Variants in RBMS3 observed in about 807,000 individuals in gnomAD.
RBMS3 encodes the protein RNA binding motif single stranded interacting protein 3.
In RBMS3, 27 loss-of-function variants were observed where a neutral mutation model predicts 66.8. That is an observed-to-expected ratio of 0.40 (90% CI 0.30 to 0.56). The LOEUF is 0.56. Among genes scored for constraint, RBMS3 ranks in the 20% least tolerant of loss-of-function variants. The pLI, the probability that RBMS3 is intolerant of heterozygous loss-of-function variation, is 0.40. For synonymous variants in RBMS3, 188 were observed against 183.0 expected, an observed-to-expected ratio of 1.03 and a Z score of -0.22; for missense variants, 513 against 549.5, an observed-to-expected ratio of 0.93 and a Z score of 0.66.
chr3:29,600,752 A>AT (rs774316861), intron 4 of RBMS3, among the ~76,000 whole-genome samples: 7 of 152,074 alleles, frequency 4.6e-5, no homozygotes, highest in African/African-American at 1.7e-4. Flanking sequence ...CTTAAATAGC[A>AT]TTTTTTGAAA....
chr3:29,852,945 G>A (rs1333056225), intron 6 of RBMS3, among the ~76,000 whole-genome samples: 5 of 152,178 alleles, frequency 3.3e-5, no homozygotes, highest in Admixed American at 6.5e-5. Context: ...TAACAAAAAT[G>A]TGGTACAGAT....
chr3:29,613,968 G>A (rs1041585326), intron 4 of RBMS3, among the ~76,000 whole-genome samples: 6 of 152,022 alleles, frequency 3.9e-5, no homozygotes, highest in African/African-American at 9.7e-5. Flanking sequence ...CAGCAATCCC[G>A]CTGCTGAGTA....
intron 10 of RBMS3, among the ~76,000 whole-genome samples, chr3:29,902,578 C>CT (rs1379273963): frequency 1.3e-5 from 2 of 151,828 alleles, no homozygotes; most frequent in Non-Finnish European, 2.9e-5. Context: ...TGAGAATCTC[C>CT]TTTTTTCAGT....
intron 4 of RBMS3, among the ~76,000 whole-genome samples, chr3:29,592,601 G>T (rs1175411364): frequency 1.3e-5 from 2 of 152,136 alleles, no homozygotes; most frequent in African/African-American, 4.8e-5. Context: ...ACAGTGTGGT[G>T]ATTCCTCAAG....
chr3:29,813,041 T>C (rs1034219491), intron 6 of RBMS3, among the ~76,000 whole-genome samples: 2 of 152,108 alleles, frequency 1.3e-5, no homozygotes. Flanking sequence ...CATAAATATA[T>C]GCATTTTAAT....
Position 29,684,000 on chromosome 3 carries a change from A to G in RBMS3, c.400-55720A>G, listed in dbSNP as rs549571520. Reference sequence around the variant, plus strand: ...AGAATAGAATTGCTTGGTCCAGGAAAGGTGTGACTAGTATAATAAACAAAA... The same window carrying G: ...AGAATAGAATTGCTTGGTCCAGGAAGGGTGTGACTAGTATAATAAACAAAA... On this transcript the variant is annotated intron_variant, in intron 4 of 14. Coordinates refer to ENST00000383767, the MANE Select transcript of RBMS3 (RefSeq NM_001003793.3). Among the ~76,000 whole-genome samples the G allele has an allele frequency of 8.5e-5, 13 of 152,344 alleles. No individual in the cohort carries two copies. The South Asian group carries it at 2.5e-3, about 29-fold the overall frequency.
intron 6 of RBMS3, among the ~76,000 whole-genome samples, chr3:29,782,440 T>A (rs1284430069): frequency 6.6e-6 from 1 of 152,132 alleles, no homozygotes; most frequent in Non-Finnish European, 1.5e-5. Context: ...TAACAATCAC[T>A]ACATTTGGCT....
At chr3:29,650,501 C>G (rs1334601827) in intron 4 of RBMS3, among the ~76,000 whole-genome samples, 2 of 151,986 alleles carry the variant, frequency 1.3e-5, no homozygotes, top group East Asian at 3.9e-4. Flanking sequence ...TTTTGTGGCC[C>G]ATGTAGGTCT....
intron 4 of RBMS3, among the ~76,000 whole-genome samples, chr3:29,594,956 T>C (rs1408706741): frequency 6.6e-6 from 1 of 152,232 alleles, no homozygotes; most frequent in Non-Finnish European, 1.5e-5. Context: ...TGCATATGTA[T>C]ACTAGTAAAA....
chr3:29,456,913 T>G (rs1008958864), intron 2 of RBMS3, among the ~76,000 whole-genome samples: 1 of 152,152 alleles, frequency 6.6e-6, no homozygotes, highest in Non-Finnish European at 1.5e-5. Context: ...CATAAAGTAC[T>G]GTGATAAAGA....
intron 3 of RBMS3, among the ~76,000 whole-genome samples, chr3:29,492,404 T>G (rs996046052): frequency 9.2e-5 from 14 of 152,154 alleles, no homozygotes. Context: ...AGGAGAAAGA[T>G]ATGAGGTCAT....
At chr3:29,426,222 AAAG>A (rs1304400817) in intron 1 of RBMS3, among the ~76,000 whole-genome samples, 3 of 152,220 alleles carry the variant, frequency 2.0e-5, no homozygotes, top group Non-Finnish European at 4.4e-5. Flanking sequence ...AGTCAAATTA[AAAG>A]AAGAATTGGG....
intron 6 of RBMS3, among the ~76,000 whole-genome samples, chr3:29,848,511 G>C (rs192890915): frequency 8.5e-5 from 13 of 152,062 alleles, no homozygotes; most frequent in Non-Finnish European, 1.9e-4. Flanking sequence ...AAGTCCAGGG[G>C]GTTAAACAAT....
At chr3:29,733,512 G>A (rs977524608) in intron 4 of RBMS3, among the ~76,000 whole-genome samples, 3 of 151,552 alleles carry the variant, frequency 2.0e-5, no homozygotes, top group Admixed American at 6.6e-5. Context: ...TTTTTTCAAC[G>A]TCCTCACCAG....
chr3:29,639,837 A>G (rs1337191475), intron 4 of RBMS3, among the ~76,000 whole-genome samples: 2 of 151,950 alleles, frequency 1.3e-5, no homozygotes, highest in Non-Finnish European at 2.9e-5. Flanking sequence ...TATTTTTTAA[A>G]GGGAAAAGAA....
intron 1 of RBMS3, among the ~76,000 whole-genome samples, chr3:29,293,005 A>G (rs761578880): frequency 4.0e-5 from 6 of 151,810 alleles, no homozygotes; most frequent in Non-Finnish European, 7.4e-5. Context: ...GGTTATGTAG[A>G]CAATTAGTGC....
At chr3:29,586,500 C>T (rs535521620) in intron 3 of RBMS3, among the ~76,000 whole-genome samples, 12 of 151,090 alleles carry the variant, frequency 7.9e-5, no homozygotes, top group East Asian at 1.9e-4. Flanking sequence ...CAGATCTGTA[C>T]GAGTCAAAAT....
intron 2 of RBMS3, among the ~76,000 whole-genome samples, chr3:29,461,912 C>G: frequency 6.9e-6 from 1 of 144,752 alleles, no homozygotes; most frequent in Admixed American, 7.1e-5. Context: ...CGCCACCATG[C>G]CCGGCTAATT....
intron 12 of RBMS3, among the ~76,000 whole-genome samples, chr3:29,959,693 G>C (rs920849669): frequency 6.6e-6 from 1 of 151,988 alleles, no homozygotes; most frequent in Non-Finnish European, 1.5e-5. Flanking sequence ...TGCAGGGCTC[G>C]GGAGGCCTCA....
Sources: allele counts gnomAD v4.1 joint callset (sites outside exome capture counted in the v4.1 genomes callset), GRCh38; gene constraint gnomAD v4.1.1; transcripts MANE v1.5; gene names NCBI Gene and HGNC (gene_info 2026-07-23, HGNC 2026-07-21).